ZDHHC8: variants seen among roughly 807,000 people sequenced by gnomAD.
The protein encoded by ZDHHC8 is palmitoyltransferase ZDHHC8.
A neutral mutation model predicts 61.2 loss-of-function variants in ZDHHC8; 24 were observed. The observed-to-expected ratio is 0.39, with a 90% CI of 0.28 to 0.55. ZDHHC8 has a LOEUF of 0.55. Ranked by LOEUF, ZDHHC8 falls within the 20% of genes least tolerant of loss-of-function variation. The probability of loss-of-function intolerance (pLI) is 0.60; values close to 1 mark genes in which losing one functional copy is unlikely to be tolerated. For synonymous variants in ZDHHC8, 523 were observed against 492.5 expected (o/e 1.06, Z -0.82); for missense variants, 935 against 1,102.1 (o/e 0.85, Z 2.15).
chr22:20,139,347 C>CT (rs749325585), intron 2 of ZDHHC8, 32 bp downstream of exon 2: 20 of 1,609,586 alleles, frequency 1.2e-5, no homozygotes, highest in Non-Finnish European at 1.7e-5. Context: ...GCTCCTCTCA[C>CT]TTTCACTAGA....
In ZDHHC8 at chr22:20,147,480, CACG is replaced by C. The variant is rs989851482; in HGVS notation, c.*2083_*2085del. On this transcript the variant is annotated 3_prime_UTR_variant, in exon 11 of 11. Coordinates refer to ENST00000334554, the MANE Select transcript of ZDHHC8 (RefSeq NM_013373.4). ...GCAGTCCCAGAGCTGTGGGGACCGG[CACG>C]ACCTTTGCCCAGCCTCCCTACCCAA... is the stretch of plus-strand genomic sequence containing the variant. 1.3e-4 allele frequency: 54 copies of C among 404,802 alleles called. No individual in the cohort carries two copies. Among genetic ancestry groups the C allele is most frequent in the African/African-American group, 1.0e-3 (50 of 48,144 alleles). 25.1% of individuals were successfully genotyped at this position (404,802 alleles called of 1,614,324 possible).
Position 20,143,507 on chromosome 22 carries a change from C to T in ZDHHC8, c.1877C>T (p.Thr626Met), listed in dbSNP as rs759705109. The T allele has an allele frequency of 2.1e-5, 33 of 1,600,604 alleles. No homozygotes were observed. Among genetic ancestry groups the T allele is most frequent in the East Asian group, 2.2e-5 (1 of 44,802 alleles). The change falls in exon 10 of 11, where the codon ACG becomes ATG. Residue 626 changes from threonine to methionine, a missense_variant. Transcript: ENST00000334554. Reference protein sequence around the residue: ...FGGARNPALQTSLSSLSSSVS... With the variant: ...FGGARNPALQMSLSSLSSSVS... ...GGCGCCCGCAACCCTGCCCTGCAGA[C>T]GTCACTGTCCTCGCTGTCCAGCTCC...
Position 20,139,385 on chromosome 22 carries a change from T to C in ZDHHC8, c.226+70T>C, listed in dbSNP as rs2050447312. The C allele has an allele frequency of 3.1e-6, 5 of 1,603,500 alleles. No individual in the cohort carries two copies. In the African/African-American group the frequency reaches 5.3e-5, roughly 17 times the overall value. ...GTGAGTGGCTAACTTGAGACAGCCT[T>C]AGGGATTCCTGGTGGGTGGGCTGGA... On this transcript the variant is annotated intron_variant, in intron 2 of 10. Transcript: ENST00000334554.
Position 20,143,572 on chromosome 22 carries a change from G to A in ZDHHC8, c.1942G>A (p.Ala648Thr). 1 of 1,598,644 alleles carries A rather than the reference G, an allele frequency of 6.3e-7. No individual in the cohort carries two copies. Residue 648 changes from alanine (A) to threonine (T), a missense_variant, in exon 10 of 11, where the codon GCT becomes ACT. Around this residue, in one of 3 missense-constraint regions of ZDHHC8, gnomAD observed 692 missense variants for 731.4 expected, o/e 0.95. Coordinates refer to ENST00000334554, the MANE Select transcript of ZDHHC8 (RefSeq NM_013373.4). Reference protein sequence around the residue: ...APRTSSSSLQADQASSNAPGP... With the variant: ...APRTSSSSLQTDQASSNAPGP... ...GCGGACGTCGTCCTCCTCCCTGCAG[G>A]CTGATCAGGCCAGCAGCAACGCCCC...
chr22:20,143,768 G>T lies in ZDHHC8; in HGVS notation c.2126+12G>T. ...CTGACCGTGCAGAGGTGGGTGCCGG[G>T]AGGTGCGGGTGGGCTTCCTGGCACA... On this transcript the variant is annotated intron_variant, in intron 10 of 10. Coordinates refer to ENST00000334554, the MANE Select transcript of ZDHHC8 (RefSeq NM_013373.4). The T allele has an allele frequency of 6.3e-7, 1 of 1,598,804 alleles. No individual in the cohort carries two copies.
rs1452443521 is a variant in ZDHHC8, at chr22:20,131,918, G to A, written c.-30G>A. 9.2e-6 allele frequency: 9 copies of A among 973,948 alleles called. No individual in the cohort carries two copies. Among genetic ancestry groups the A allele is most frequent in the Non-Finnish European group, 1.1e-5 (9 of 793,040 alleles). The allele number at this position is 973,948 out of a possible 1,614,324, so 60.3% of individuals were successfully genotyped here. ...CGGCCGGCCCTGCCCGCCCGGCCCCGGGGAGGGATGCGGCGGCGCGGCGCC... is the reference window on the plus strand; with the variant it reads ...CGGCCGGCCCTGCCCGCCCGGCCCCAGGGAGGGATGCGGCGGCGCGGCGCC... On this transcript the variant is annotated 5_prime_UTR_variant, in exon 1 of 11. Coordinates refer to ENST00000334554, the MANE Select transcript of ZDHHC8 (RefSeq NM_013373.4).
At position 20,143,706 on chromosome 22, in the gene ZDHHC8, C is replaced by T; in HGVS notation, c.2076C>T (p.Ala692=). The T allele has an allele frequency of 6.2e-7, 1 of 1,610,610 alleles. No homozygotes were observed. The highest frequency in any genetic ancestry group is 2.2e-5 in the East Asian group (1 of 44,844). The change falls in exon 10 of 11, where the codon GCC becomes GCT. Residue 692 remains alanine (A), a synonymous_variant. Transcript: ENST00000334554. ...CCTACGCGGGCCCCAAAGCTGTCGC[C>T]TTCATCCACACGGACCTCCCAGAGC... ...SPSYAGPKAV[A]FIHTDLPEPP...
chr22:20,146,142 G>C lies in ZDHHC8; in HGVS notation c.*742G>C, dbSNP rs1295459752. On this transcript the variant is annotated 3_prime_UTR_variant, in exon 11 of 11. Coordinates refer to ENST00000334554, the MANE Select transcript of ZDHHC8 (RefSeq NM_013373.4). ...TTTATGCTCTTGTGGGAGGCGACGG[G>C]GGGGCAGGCGGGAGCAGGCACGGGG... 2.0e-6 allele frequency: 2 copies of C among 985,586 alleles called. No individual in the cohort carries two copies. The highest frequency in any genetic ancestry group is 3.5e-5 in the African/African-American group (2 of 57,250). 61.1% of individuals were successfully genotyped at this position (985,586 alleles called of 1,614,324 possible). A position where few individuals can be genotyped will look rare whatever the true frequency, so the allele number is the denominator to read the frequency against.
rs2050538517 is a variant in ZDHHC8, at chr22:20,147,430, A to AG, written c.*2035dup. Reference sequence around the variant, plus strand: ...CCTCAGGGAGTCCCCCACCTGCTGCAGGGGGTCCAGCACCCCACAGGGGGG... The same window carrying AG: ...CCTCAGGGAGTCCCCCACCTGCTGCAGGGGGGTCCAGCACCCCACAGGGGGG... On this transcript the variant is annotated 3_prime_UTR_variant, in exon 11 of 11. Transcript: ENST00000334554. 1.1e-5 allele frequency: 6 copies of AG among 530,700 alleles called. No individual in the cohort carries two copies. In the South Asian group the frequency reaches 2.1e-4, roughly 18 times the overall value. 32.9% of individuals were successfully genotyped at this position (530,700 alleles called of 1,614,324 possible). A position where few individuals can be genotyped will look rare whatever the true frequency, so the allele number is the denominator to read the frequency against.
intron 1 of ZDHHC8, among the ~76,000 whole-genome samples, chr22:20,133,721 C>CAA (rs34467871): frequency 2.1e-4 from 15 of 72,588 alleles, no homozygotes; most frequent in African/African-American, 4.1e-4. Flanking sequence ...GACTCTGTCT[C>CAA]AAAAAAAAAA....
chr22:20,141,329 G>C lies in ZDHHC8; in HGVS notation c.1007G>C (p.Gly336Ala). ...FSSDLQTPRP[G>A]SAESALSVQR... ...AGTGACCTGCAGACCCCGCGCCCAG[G>C]CAGTGCTGGTGAGGTTGGGGCAGCC... The change falls in exon 8 of 11, where the codon GGC becomes GCC. Residue 336 changes from glycine to alanine, a missense_variant. This residue lies in a region of ZDHHC8 where 692 missense variants were observed against 731.4 expected (regional missense o/e 0.95). Coordinates refer to ENST00000334554, the MANE Select transcript of ZDHHC8 (RefSeq NM_013373.4). 6.2e-7 allele frequency: 1 copy of C among 1,612,446 alleles called. No homozygotes were observed. The highest frequency in any genetic ancestry group is 1.1e-5 in the South Asian group (1 of 91,002).
At chr22:20,132,102 GC>G in intron 1 of ZDHHC8, 51 bp downstream of exon 1, 1 of 1,095,890 alleles carries the variant, frequency 9.1e-7, no homozygotes. Context: ...GGCAGGGCCC[GC>G]ACAGCCCGGG....
chr22:20,146,722 T>A lies in ZDHHC8; in HGVS notation c.*1322T>A. 1 of 1,162,084 alleles carries A rather than the reference T, an allele frequency of 8.6e-7. No homozygotes were observed. Among genetic ancestry groups the A allele is most frequent in the Non-Finnish European group, 1.1e-6 (1 of 943,682 alleles). 72.0% of individuals were successfully genotyped at this position (1,162,084 alleles called of 1,614,324 possible). ...GTGACAGGGTGTTTGGGGGAAAGAC[T>A]TGGGTCTGCCGCTACCCACAGGGGA... On this transcript the variant is annotated 3_prime_UTR_variant, in exon 11 of 11. Transcript: ENST00000334554.
chr22:20,138,457 C>T (rs948698120), intron 1 of ZDHHC8, among the ~76,000 whole-genome samples: 7 of 152,290 alleles, frequency 4.6e-5, no homozygotes, highest in Admixed American at 2.0e-4. Flanking sequence ...CTGAGGAAGG[C>T]GCCTTTCAGG....
Position 20,145,265 on chromosome 22 carries a change from T to C in ZDHHC8, c.2163T>C (p.Leu721=). ...AGCTGAAGACTCCCCCAAGTAAGCT[T>C]AATGGGCAGTCCCCGGGCCTGGCCC... ...HPQLKTPPSK[L]NGQSPGLARL... is the part of the protein sequence containing the mutation. The change falls in exon 11 of 11, where the codon CTT becomes CTC. Residue 721 remains leucine, a synonymous_variant. Coordinates refer to ENST00000334554, the MANE Select transcript of ZDHHC8 (RefSeq NM_013373.4). 1 of 1,542,406 alleles carries C rather than the reference T, an allele frequency of 6.5e-7. No homozygotes were observed. The highest frequency in any genetic ancestry group is 2.4e-4 in the Middle Eastern group (1 of 4,136).
chr22:20,133,843 C>T (rs1052789560), intron 1 of ZDHHC8, among the ~76,000 whole-genome samples: 5 of 152,166 alleles, frequency 3.3e-5, no homozygotes, highest in Admixed American at 6.5e-5. Context: ...TTGGAGGGCT[C>T]CTCTGTTCCT....
In ZDHHC8 at chr22:20,131,876, C is replaced by T; in HGVS notation, c.-72C>T. 2 of 518,948 alleles carry T rather than the reference C, an allele frequency of 3.9e-6. No individual in the cohort carries two copies. The highest frequency in any genetic ancestry group is 4.9e-6 in the Non-Finnish European group (2 of 405,912). 32.1% of individuals were successfully genotyped at this position (518,948 alleles called of 1,614,324 possible). On this transcript the variant is annotated 5_prime_UTR_variant, in exon 1 of 11. Transcript: ENST00000334554. ...CTGCGCCGCGTCCAGCCCGCCCGCC[C>T]GACCCCGGCCCGACCCCGGCCGGCC...
Position 20,146,481 on chromosome 22 carries a change from C to T in ZDHHC8, c.*1081C>T, listed in dbSNP as rs1192270232. ...TTTTGATTCTTTCCTTGGGCAAGGC[C>T]AGGGCTATTGCTGCAGGATCCCGAG... On this transcript the variant is annotated 3_prime_UTR_variant, in exon 11 of 11. Transcript: ENST00000334554. The T allele has an allele frequency of 5.1e-6, 5 of 986,784 alleles. No individual in the cohort carries two copies. The highest frequency in any genetic ancestry group is 4.8e-6 in the Non-Finnish European group (4 of 831,138). The allele number at this position is 986,784 out of a possible 1,614,324, so 61.1% of individuals were successfully genotyped here.
chr22:20,140,514 C>T, intron 5 of ZDHHC8, 103 bp from the exon 6 acceptor site: 1 of 1,252,914 alleles, frequency 8.0e-7, no homozygotes, highest in South Asian at 1.5e-5. Flanking sequence ...CCACTTCCCG[C>T]AAGTATCAGC....
Sources: allele counts gnomAD v4.1 joint callset (sites outside exome capture counted in the v4.1 genomes callset), GRCh38; gene constraint gnomAD v4.1.1; regional missense constraint gnomAD v4.1.1; transcripts MANE v1.5; gene names NCBI Gene and HGNC (gene_info 2026-07-23, HGNC 2026-07-21).